BOLL: variants seen among roughly 807,000 people sequenced by gnomAD.
BOLL encodes the protein protein boule-like.
A neutral mutation model predicts 44.4 loss-of-function variants in BOLL; 23 were observed. That is an observed-to-expected ratio of 0.52 (90% CI 0.37 to 0.73). The LOEUF (loss-of-function observed/expected upper bound fraction) is 0.73, where lower values mean the gene tolerates loss of function less well. Ranked by LOEUF, BOLL falls within the 30% of genes least tolerant of loss-of-function variation. The probability of loss-of-function intolerance (pLI) is 0.00; values close to 1 mark genes in which losing one functional copy is unlikely to be tolerated. For missense variants in BOLL, 287 were observed against 338.3 expected, an observed-to-expected ratio of 0.85 and a Z score of 1.19; for synonymous variants, 97 against 110.8, an observed-to-expected ratio of 0.88 and a Z score of 0.78.
At chr2:197,741,135 T>C (rs1687711028) in intron 10 of BOLL, among the ~76,000 whole-genome samples, 1 of 152,154 alleles carries the variant, frequency 6.6e-6, no homozygotes, top group Admixed American at 6.6e-5. Flanking sequence ...CTTCCATTTG[T>C]TTGTATCCTC....
chr2:197,763,324 T>C (rs1392658638), intron 7 of BOLL, among the ~76,000 whole-genome samples: 2 of 151,470 alleles, frequency 1.3e-5, no homozygotes, highest in East Asian at 1.9e-4. Flanking sequence ...CTACTAAAAA[T>C]ACAAAAAATT....
chr2:197,757,287 A>G, intron 8 of BOLL, 66 bp downstream of exon 8: 3 of 1,372,262 alleles, frequency 2.2e-6, no homozygotes, highest in South Asian at 2.6e-5. Context: ...TTTAGTATTC[A>G]TGCAGTCATC....
chr2:197,757,225 G>T (rs960377408), intron 8 of BOLL, 128 bp downstream of exon 8: 106 of 707,576 alleles, frequency 1.5e-4, no homozygotes, highest in Admixed American at 2.2e-4. Flanking sequence ...AAAATGAACT[G>T]CCAAAAGAAT....
At chr2:197,735,747 A>C (rs946222274) in intron 10 of BOLL, among the ~76,000 whole-genome samples, 5 of 152,188 alleles carry the variant, frequency 3.3e-5, no homozygotes. Flanking sequence ...CAGGCTGTCT[A>C]TGCATGTCCC....
intron 9 of BOLL, among the ~76,000 whole-genome samples, chr2:197,745,038 G>A (rs898320976): frequency 1.3e-4 from 20 of 152,162 alleles, no homozygotes; most frequent in African/African-American, 2.2e-4. Context: ...GATGAGTTAC[G>A]ATACAGGTAA....
At chr2:197,775,812 A>G (rs1001834992) in intron 4 of BOLL, 72 bp from the exon 5 acceptor site, 2 of 904,044 alleles carry the variant, frequency 2.2e-6, no homozygotes. Flanking sequence ...AGGAAAAACT[A>G]GTTAGAAAGA....
rs569017661 is a variant in BOLL, at chr2:197,742,922, CAT to C, written c.828+137_828+138del. 5.0e-3 allele frequency: 2,267 copies of C among 450,024 alleles called. 12 individuals carry two copies. The highest frequency in any genetic ancestry group is 7.1e-3 in the Non-Finnish European group (1,841 of 260,250). The allele number at this position is 450,024 out of a possible 1,614,324, so 27.9% of individuals were successfully genotyped here. ...TTAATTTAGAATTATATTTCCTTCA[CAT>C]GAGTTTGCTAATTCTGTACTTCTGA... On this transcript the variant is annotated intron_variant, in intron 10 of 10. Coordinates refer to ENST00000392296, the MANE Select transcript of BOLL (RefSeq NM_033030.6).
In BOLL at chr2:197,743,174, G is replaced by A. The variant is rs1321182185; in HGVS notation, c.730-15C>T. 1.9e-6 allele frequency: 3 copies of A among 1,543,746 alleles called. No individual in the cohort carries two copies. Among genetic ancestry groups the A allele is most frequent in the Admixed American group, 4.0e-5 (2 of 49,652 alleles). On this transcript the variant is annotated splice_polypyrimidine_tract_variant and intron_variant, in intron 9 of 10. Coordinates refer to ENST00000392296, the MANE Select transcript of BOLL (RefSeq NM_033030.6). ...TCAGAATAAGGCTATTACAAAAAAA[G>A]AGAGAAAAAATGTCACCTTTCATCT...
intron 8 of BOLL, among the ~76,000 whole-genome samples, chr2:197,757,098 G>C (rs1269019312): frequency 6.6e-6 from 1 of 152,020 alleles, no homozygotes; most frequent in African/African-American, 2.4e-5. Flanking sequence ...TGTTTATACA[G>C]TACACATTTA....
chr2:197,739,778 C>T (rs1687653622), intron 10 of BOLL, among the ~76,000 whole-genome samples: 1 of 152,142 alleles, frequency 6.6e-6, no homozygotes, highest in Admixed American at 6.6e-5. Flanking sequence ...TTAACATTAA[C>T]ATCCTTTGGA....
upstream of BOLL, chr2:197,786,168 C>T (rs1374178657): frequency 9.0e-6 from 9 of 998,144 alleles, no homozygotes; most frequent in South Asian, 1.8e-5. The surrounding 1 kb of genome is among the most constrained non-coding windows in gnomAD (Gnocchi z 5.9). Flanking sequence ...GACCCCGGCC[C>T]TGAACCTGCC....
chr2:197,759,034 C>G, intron 7 of BOLL: 1 of 1,519,430 alleles, frequency 6.6e-7, no homozygotes, highest in Non-Finnish European at 8.8e-7. Context: ...GGCATGATGT[C>G]AGCAAGATGG....
At chr2:197,735,841 T>C (rs1164441237) in intron 10 of BOLL, among the ~76,000 whole-genome samples, 3 of 152,164 alleles carry the variant, frequency 2.0e-5, no homozygotes, top group Admixed American at 2.0e-4. Flanking sequence ...GCATTGTATG[T>C]TTCTTATGAA....
upstream of BOLL, among the ~76,000 whole-genome samples, chr2:197,785,567 T>A (rs896113531): frequency 6.6e-6 from 1 of 152,086 alleles, no homozygotes; most frequent in Non-Finnish European, 1.5e-5. The surrounding 1 kb of genome is among the most constrained non-coding windows in gnomAD (Gnocchi z 6.7). Flanking sequence ...AGTGGAGGCG[T>A]CGACCGCCCT....
chr2:197,776,771 G>A (rs1689535147), intron 4 of BOLL, among the ~76,000 whole-genome samples: 1 of 151,854 alleles, frequency 6.6e-6, no homozygotes, highest in African/African-American at 2.4e-5. Context: ...ATCCACATTT[G>A]TAGTGTTTTT....
At chr2:197,780,330 T>C (rs1689709602) in intron 2 of BOLL, among the ~76,000 whole-genome samples, 1 of 152,068 alleles carries the variant, frequency 6.6e-6, no homozygotes, top group South Asian at 2.1e-4. Flanking sequence ...GAAAAAGGTA[T>C]AAGTATACAG....
At position 197,728,999 on chromosome 2, in the gene BOLL, G is replaced by C. The variant is rs182145918; in HGVS notation, c.829-421C>G. Among the ~76,000 whole-genome samples the C allele has an allele frequency of 1.6e-3, 239 of 152,256 alleles. 5 individuals are homozygous for C. Among genetic ancestry groups the C allele is most frequent in the East Asian group, 9.5e-3 (49 of 5,176 alleles). ...AAGATGGCCGAATAGGAACAGCTCC[G>C]GTCTACAGCTCCCAGCGTGAGCGAC... is the stretch of plus-strand genomic sequence containing the variant. On this transcript the variant is annotated intron_variant, in intron 10 of 10. Transcript: ENST00000392296.
chr2:197,785,332 C>T (rs1002210581), upstream of BOLL: 10 of 985,744 alleles, frequency 1.0e-5, no homozygotes, highest in Non-Finnish European at 1.1e-5. The surrounding 1 kb of genome is among the most constrained non-coding windows in gnomAD (Gnocchi z 6.7). Flanking sequence ...TCCCCACCCT[C>T]GCGCGGCGCT....
intron 6 of BOLL, among the ~76,000 whole-genome samples, 154 bp from the exon 7 acceptor site, chr2:197,766,757 ACTAAGT>A (rs1364761913): frequency 6.6e-6 from 1 of 152,068 alleles, no homozygotes; most frequent in African/African-American, 2.4e-5. Flanking sequence ...TACCAACTCT[ACTAAGT>A]CTATTAAAAT....
Sources: gnomAD v4.1 joint callset for allele counts (sites outside exome capture counted in the v4.1 genomes callset) on GRCh38, gnomAD v4.1.1 for gene constraint, Gnocchi (gnomAD v3.1) non-coding constraint, MANE v1.5 for transcripts, NCBI Gene and HGNC (gene_info 2026-07-23, HGNC 2026-07-21) for gene names.